Variants in MACROD2 observed in about 807,000 individuals in gnomAD.
The protein encoded by MACROD2 is mono-ADP ribosylhydrolase 2.
Under a neutral mutation model 70.4 loss-of-function variants are expected in MACROD2, and 36 were observed. The ratio of observed to expected loss-of-function variants is 0.51; its 90% CI spans 0.39 to 0.68. The LOEUF (loss-of-function observed/expected upper bound fraction) is 0.68. Ranked by LOEUF, MACROD2 falls within the 30% of genes least tolerant of loss-of-function variation. The pLI is 0.00. For synonymous variants in MACROD2, 172 were observed against 178.8 expected, an observed-to-expected ratio of 0.96 and a Z score of 0.30; for missense variants, 496 against 538.4, an observed-to-expected ratio of 0.92 and a Z score of 0.78.
intron 6 of MACROD2, among the ~76,000 whole-genome samples, chr20:15,284,758 G>A (rs896425110): frequency 2.0e-5 from 3 of 152,304 alleles, no homozygotes; most frequent in East Asian, 1.9e-4. Context: ...TGGAAAGTGA[G>A]TTAATAATTC....
chr20:15,534,218 G>A (rs1183373972), intron 8 of MACROD2, among the ~76,000 whole-genome samples: 2 of 152,154 alleles, frequency 1.3e-5, no homozygotes, highest in Non-Finnish European at 2.9e-5. Context: ...ATACGTGATT[G>A]TGTTTGCTAC....
chr20:15,434,202 A>C (rs140338076), intron 7 of MACROD2, among the ~76,000 whole-genome samples: 2,433 of 152,208 alleles, frequency 0.016, 38 homozygotes, highest in Middle Eastern at 0.054. Flanking sequence ...TTAACTAAAA[A>C]GCTTCTGCAC....
intron 8 of MACROD2, among the ~76,000 whole-genome samples, chr20:15,649,461 C>G (rs1433693646): frequency 1.3e-5 from 2 of 152,036 alleles, no homozygotes; most frequent in Non-Finnish European, 2.9e-5. Flanking sequence ...TATGACAGAG[C>G]TCACTCATTT....
intron 3 of MACROD2, among the ~76,000 whole-genome samples, chr20:14,240,613 C>G (rs1027576982): frequency 1.3e-5 from 2 of 152,148 alleles, no homozygotes; most frequent in African/African-American, 4.8e-5. Flanking sequence ...ACTGCGTGTT[C>G]TCACTTATAA....
At chr20:16,035,153 A>ATATT in intron 15 of MACROD2, among the ~76,000 whole-genome samples, 1 of 86,490 alleles carries the variant, frequency 1.2e-5, no homozygotes, top group East Asian at 3.1e-4. Flanking sequence ...TTATATATAA[A>ATATT]ATATAATATA....
At chr20:14,700,481 T>A (rs2071182525) in intron 5 of MACROD2, among the ~76,000 whole-genome samples, 1 of 151,818 alleles carries the variant, frequency 6.6e-6, no homozygotes, top group African/African-American at 2.4e-5. Flanking sequence ...TGCTTAGGCA[T>A]AGATGAGTAA....
rs1488016957 is a variant in MACROD2 at position 15,500,973 on chromosome 20, TTTATTTTCTTTTC to T, written c.645+1127_645+1139del. Among the ~76,000 whole-genome samples the T allele has an allele frequency of 4.6e-5, 7 of 152,298 alleles. No individual in the cohort carries two copies. In the East Asian group the frequency reaches 1.4e-3, roughly 29 times the overall value. ...CTTACAAAACATGTCTTTGACACAT[TTTATTTTCTTTTC>T]ACAACAACCTTATGAAATCTCTAGG... On this transcript the variant is annotated intron_variant, in intron 8 of 17. Transcript: ENST00000684519.
chr20:14,382,196 G>C (rs944420901), intron 3 of MACROD2, among the ~76,000 whole-genome samples: 4 of 151,708 alleles, frequency 2.6e-5, no homozygotes, highest in African/African-American at 9.7e-5. Flanking sequence ...CGAGTAGCTG[G>C]GACTGCAGGC....
At chr20:14,232,836 A>G (rs2081830144) in intron 3 of MACROD2, among the ~76,000 whole-genome samples, 1 of 152,266 alleles carries the variant, frequency 6.6e-6, no homozygotes, top group Non-Finnish European at 1.5e-5. Flanking sequence ...ACTGTTTGGC[A>G]CATGAGGCCT....
At chr20:14,048,576 A>G (rs2053512479) in intron 2 of MACROD2, among the ~76,000 whole-genome samples, 1 of 152,200 alleles carries the variant, frequency 6.6e-6, no homozygotes, top group South Asian at 2.1e-4. Flanking sequence ...TCTATGTGCA[A>G]TAAAACTATT....
At chr20:14,591,053 AAT>A (rs1309325432) in intron 4 of MACROD2, among the ~76,000 whole-genome samples, 1 of 152,194 alleles carries the variant, frequency 6.6e-6, no homozygotes, top group Non-Finnish European at 1.5e-5. Context: ...GCAGTTACTA[AAT>A]ATACAAATGA....
chr20:15,416,674 G>A (rs2046154684), intron 6 of MACROD2, among the ~76,000 whole-genome samples: 1 of 152,182 alleles, frequency 6.6e-6, no homozygotes, highest in Non-Finnish European at 1.5e-5. Flanking sequence ...GGAGGCCGAG[G>A]CAGTCGGATC....
At chr20:15,085,798 T>C (rs1459645646) in intron 5 of MACROD2, among the ~76,000 whole-genome samples, 1 of 151,882 alleles carries the variant, frequency 6.6e-6, no homozygotes, top group Non-Finnish European at 1.5e-5. Flanking sequence ...AACTCCTATG[T>C]ATTGAGTCGA....
chr20:15,939,899 T>C (rs1357351220), intron 12 of MACROD2, among the ~76,000 whole-genome samples: 2 of 152,134 alleles, frequency 1.3e-5, no homozygotes, highest in Non-Finnish European at 2.9e-5. Context: ...AAGACTTCAC[T>C]GGAGGAAGTA....
chr20:14,107,962 A>G (rs2054393827), intron 3 of MACROD2, among the ~76,000 whole-genome samples: 1 of 152,144 alleles, frequency 6.6e-6, no homozygotes, highest in South Asian at 2.1e-4. Flanking sequence ...GTAATAGCGC[A>G]CAGAAAAACA....
At chr20:14,755,817 T>C (rs927422790) in intron 5 of MACROD2, among the ~76,000 whole-genome samples, 3 of 151,990 alleles carry the variant, frequency 2.0e-5, no homozygotes, top group African/African-American at 7.3e-5. Flanking sequence ...AAATATTCTA[T>C]CAATAGGAAG....
intron 8 of MACROD2, among the ~76,000 whole-genome samples, chr20:15,665,918 G>A (rs574411121): frequency 3.3e-5 from 5 of 151,956 alleles, no homozygotes; most frequent in South Asian, 4.2e-4. Context: ...ATGATCTGAC[G>A]TCCCAGATCT....
intron 3 of MACROD2, among the ~76,000 whole-genome samples, chr20:14,219,919 G>A (rs1009520717): frequency 3.9e-5 from 6 of 152,188 alleles, no homozygotes; most frequent in Admixed American, 6.5e-5. Flanking sequence ...TGCCTGTTCC[G>A]GTGGAGGTGG....
At chr20:15,113,948 A>G (rs1167787776) in intron 5 of MACROD2, among the ~76,000 whole-genome samples, 1 of 152,130 alleles carries the variant, frequency 6.6e-6, no homozygotes, top group Non-Finnish European at 1.5e-5. Flanking sequence ...TGCTAGTATA[A>G]TTCCCAGAGA....
Sources: allele counts gnomAD v4.1 joint callset (sites outside exome capture counted in the v4.1 genomes callset), GRCh38; gene constraint gnomAD v4.1.1; transcripts MANE v1.5; gene names NCBI Gene and HGNC (gene_info 2026-07-23, HGNC 2026-07-21).